The following IGSF21 variants were observed in gnomAD, a reference collection of about 807,000 sequenced individuals.
IGSF21 encodes immunoglobulin superfamily member 21.
A neutral mutation model predicts 46.8 loss-of-function variants in IGSF21; 28 were observed. That is an observed-to-expected ratio of 0.60 (90% CI 0.44 to 0.82). The LOEUF (loss-of-function observed/expected upper bound fraction) is 0.82. Ranked by LOEUF, IGSF21 falls within the 40% of genes least tolerant of loss-of-function variation. The pLI, the probability that IGSF21 is intolerant of heterozygous loss-of-function variation, is 0.00. For missense variants in IGSF21, 624 were observed against 665.5 expected (o/e 0.94, Z 0.69); for synonymous variants, 284 against 273.6 (o/e 1.04, Z -0.38).
chr1:18,325,195 G>A (rs976457082), intron 3 of IGSF21, among the ~76,000 whole-genome samples: 1 of 152,260 alleles, frequency 6.6e-6, no homozygotes, highest in Non-Finnish European at 1.5e-5. Flanking sequence ...GGCCATGTCT[G>A]TGTGTGTACA....
chr1:18,278,012 T>C (rs2085119451), intron 2 of IGSF21, among the ~76,000 whole-genome samples: 1 of 152,106 alleles, frequency 6.6e-6, no homozygotes, highest in Admixed American at 6.5e-5. Flanking sequence ...GTGCAATTCA[T>C]TGTGTGTAAA....
intron 1 of IGSF21, among the ~76,000 whole-genome samples, chr1:18,203,619 T>C (rs1404624183): frequency 1.3e-5 from 2 of 152,166 alleles, no homozygotes; most frequent in Non-Finnish European, 2.9e-5. Flanking sequence ...CCTTGATAAC[T>C]AATTGTTAAT....
chr1:18,160,646 A>C (rs2086610744), intron 1 of IGSF21, among the ~76,000 whole-genome samples: 1 of 152,066 alleles, frequency 6.6e-6, no homozygotes, highest in Non-Finnish European at 1.5e-5. Flanking sequence ...GAGCGTGCTC[A>C]TTCGGTGTGA....
chr1:18,338,510 G>A (rs1310966476), intron 4 of IGSF21, among the ~76,000 whole-genome samples: 1 of 152,132 alleles, frequency 6.6e-6, no homozygotes, highest in Admixed American at 6.5e-5. Context: ...TGGGGAGAAG[G>A]AGAGCCGAGG....
In IGSF21 at chr1:18,340,946, C is replaced by G. The variant is rs568815857; in HGVS notation, c.424+5936C>G. 1.3e-4 allele frequency among the ~76,000 whole-genome samples: 19 copies of G among 151,134 alleles called. No individual in the cohort carries two copies. The South Asian group carries it at 4.0e-3, about 32-fold the overall frequency. ...TTCTTCTTTCCTCCTCTTCTCCGTC[C>G]TCCTCCCCCTCCCCCTCCTTCTTCT... On this transcript the variant is annotated intron_variant, in intron 4 of 9. Coordinates refer to ENST00000251296, the MANE Select transcript of IGSF21 (RefSeq NM_032880.5).
chr1:18,108,069 G>A lies in IGSF21; in HGVS notation c.-60G>A. On this transcript the variant is annotated 5_prime_UTR_variant, in exon 1 of 10. Transcript: ENST00000251296. Reference sequence around the variant, plus strand: ...AGCGCGTCTGAGCCCATGGCGAGGGGACCCGCCGCCACCGCCTCCACCCCC... The same window carrying A: ...AGCGCGTCTGAGCCCATGGCGAGGGAACCCGCCGCCACCGCCTCCACCCCC... 1 of 809,922 alleles carries A rather than the reference G, an allele frequency of 1.2e-6. No homozygotes were observed. Among genetic ancestry groups the A allele is most frequent in the Non-Finnish European group, 1.8e-6 (1 of 570,168 alleles). The allele number at this position is 809,922 out of a possible 1,614,324, so 50.2% of individuals were successfully genotyped here.
intron 2 of IGSF21, 42 bp from the exon 3 acceptor site, chr1:18,291,823 CG>C: frequency 6.2e-7 from 1 of 1,605,920 alleles, no homozygotes; most frequent in Non-Finnish European, 8.5e-7. Context: ...TGACCAGGGC[CG>C]GTTGAGCACT....
intron 1 of IGSF21, among the ~76,000 whole-genome samples, chr1:18,162,849 G>A (rs1368184392): frequency 6.6e-6 from 1 of 152,150 alleles, no homozygotes; most frequent in African/African-American, 2.4e-5. Flanking sequence ...CAGGCCAAAA[G>A]GAAGGAGCCG....
chr1:18,168,235 A>G (rs963772220), intron 1 of IGSF21, among the ~76,000 whole-genome samples: 1 of 152,122 alleles, frequency 6.6e-6, no homozygotes, highest in Non-Finnish European at 1.5e-5. Flanking sequence ...TAACTTATAT[A>G]TAATAACCCT....
At chr1:18,301,299 T>A (rs924712001) in intron 3 of IGSF21, among the ~76,000 whole-genome samples, 1 of 151,048 alleles carries the variant, frequency 6.6e-6, no homozygotes, top group Admixed American at 6.6e-5. Flanking sequence ...GGTGAGCAGG[T>A]CATCCAACAA....
chr1:18,286,947 C>G (rs758862512), intron 2 of IGSF21, among the ~76,000 whole-genome samples: 18 of 152,040 alleles, frequency 1.2e-4, no homozygotes, highest in Non-Finnish European at 1.9e-4. Flanking sequence ...TTTGGGAGGC[C>G]GAGGCGGGCG....
chr1:18,367,164 G>A (rs186472840), intron 6 of IGSF21, among the ~76,000 whole-genome samples: 1 of 152,340 alleles, frequency 6.6e-6, no homozygotes, highest in African/African-American at 2.4e-5. Flanking sequence ...AGGACTGAGA[G>A]CAGTAACTGA....
intron 1 of IGSF21, among the ~76,000 whole-genome samples, chr1:18,154,972 G>A (rs994930870): frequency 6.6e-6 from 1 of 152,010 alleles, no homozygotes; most frequent in African/African-American, 2.4e-5. Flanking sequence ...GGGAGCAGGG[G>A]CTAGGCAAAT....
Position 18,109,757 on chromosome 1 carries a change from G to A in IGSF21, c.70+1559G>A, listed in dbSNP as rs2086124930. 6.6e-6 allele frequency: 1 copy of A among 152,278 alleles called. No homozygotes were observed. Among genetic ancestry groups the A allele is most frequent in the Non-Finnish European group, 1.5e-5 (1 of 68,174 alleles). 9.4% of individuals were successfully genotyped at this position (152,278 alleles called of 1,614,324 possible). A position where few individuals can be genotyped will look rare whatever the true frequency, so the allele number is the denominator to read the frequency against. ...CAACTTTGGGAGGAGGGCTCTAGAG[G>A]GAAAGGTTACATGGGGGAGGTCCTC... On this transcript the variant is annotated intron_variant, in intron 1 of 9. Coordinates refer to ENST00000251296, the MANE Select transcript of IGSF21 (RefSeq NM_032880.5). The surrounding 1 kb of genome is among the most constrained non-coding windows in gnomAD (Gnocchi z 4.8).
At chr1:18,133,320 C>G (rs1214661283) in intron 1 of IGSF21, among the ~76,000 whole-genome samples, 3 of 152,200 alleles carry the variant, frequency 2.0e-5, no homozygotes, top group African/African-American at 4.8e-5. Flanking sequence ...GGTCTAACCC[C>G]CATGTCACGG....
Position 18,378,406 on chromosome 1 carries a change from CT to C in IGSF21, c.*82del. ...ATTTCTTTTCTAAACTATTTCCAGT[CT>C]TGTTCTTAGTCTCTTTCCATCTGTG... is the stretch of plus-strand genomic sequence containing the variant. On this transcript the variant is annotated 3_prime_UTR_variant, in exon 10 of 10. Coordinates refer to ENST00000251296, the MANE Select transcript of IGSF21 (RefSeq NM_032880.5). 8.3e-7 allele frequency: 1 copy of C among 1,198,772 alleles called. No individual in the cohort carries two copies. Among genetic ancestry groups the C allele is most frequent in the Non-Finnish European group, 1.2e-6 (1 of 830,552 alleles). The allele number at this position is 1,198,772 out of a possible 1,614,324, so 74.3% of individuals were successfully genotyped here. A position where few individuals can be genotyped will look rare whatever the true frequency, so the allele number is the denominator to read the frequency against.
intron 3 of IGSF21, among the ~76,000 whole-genome samples, chr1:18,301,175 T>G (rs1015343784): frequency 2.0e-5 from 3 of 152,188 alleles, no homozygotes; most frequent in African/African-American, 7.2e-5. Context: ...AATGGTCACT[T>G]GTCCAAGGTC....
intron 3 of IGSF21, among the ~76,000 whole-genome samples, chr1:18,324,425 C>T (rs1052519164): frequency 6.6e-6 from 1 of 152,194 alleles, no homozygotes; most frequent in Non-Finnish European, 1.5e-5. Flanking sequence ...ATGGCCGGAT[C>T]GCCAAGCCTC....
chr1:18,154,147 C>G (rs900005156), intron 1 of IGSF21, among the ~76,000 whole-genome samples: 1 of 152,152 alleles, frequency 6.6e-6, no homozygotes, highest in African/African-American at 2.4e-5. Flanking sequence ...TCGCTTCACC[C>G]CAGTCCCCAC....
Sources: gnomAD v4.1 joint callset for allele counts (sites outside exome capture counted in the v4.1 genomes callset) on GRCh38, gnomAD v4.1.1 for gene constraint, Gnocchi (gnomAD v3.1) non-coding constraint, MANE v1.5 for transcripts, NCBI Gene and HGNC (gene_info 2026-07-23, HGNC 2026-07-21) for gene names.